Variants in MMP16 observed in about 807,000 individuals in gnomAD.
MMP16 encodes matrix metalloproteinase-16.
Under a neutral mutation model 67.8 loss-of-function variants are expected in MMP16, and 12 were observed. That is an observed-to-expected ratio of 0.18 (90% CI 0.11 to 0.29). The LOEUF (loss-of-function observed/expected upper bound fraction) is 0.29. Among genes scored for constraint, MMP16 ranks in the 10% least tolerant of loss-of-function variants. The pLI is 1.00. For synonymous variants in MMP16, 249 were observed against 255.9 expected (o/e 0.97, Z 0.26); for missense variants, 475 against 765.7 (o/e 0.62, Z 4.48).
chr8:88,174,570 T>A (rs1020102154), intron 3 of MMP16, among the ~76,000 whole-genome samples: 10 of 152,150 alleles, frequency 6.6e-5, no homozygotes, highest in Non-Finnish European at 1.2e-4. Context: ...TGAAGATAAC[T>A]CATATGATGT....
intron 1 of MMP16, among the ~76,000 whole-genome samples, chr8:88,262,095 A>G (rs970364861): frequency 6.6e-6 from 1 of 152,182 alleles, no homozygotes; most frequent in African/African-American, 2.4e-5. Flanking sequence ...CTGGTAATAA[A>G]GTGATATTTG....
chr8:88,306,174 C>G (rs963755765), intron 1 of MMP16, among the ~76,000 whole-genome samples: 12 of 152,072 alleles, frequency 7.9e-5, no homozygotes, highest in Non-Finnish European at 1.5e-4. Context: ...TGCACATAAA[C>G]TAAAATCTAG....
chr8:88,225,979 C>T (rs949225952), intron 1 of MMP16, among the ~76,000 whole-genome samples: 6 of 151,732 alleles, frequency 4.0e-5, no homozygotes, highest in African/African-American at 1.5e-4. Context: ...ACTGGTATGT[C>T]CCCCATTTTT....
chr8:88,091,706 C>A (rs1371540309), intron 6 of MMP16, among the ~76,000 whole-genome samples: 1 of 151,736 alleles, frequency 6.6e-6, no homozygotes, highest in East Asian at 1.9e-4. Context: ...AATACGTCCC[C>A]AAACACTGAT....
At chr8:88,313,274 T>C (rs1811325278) in intron 1 of MMP16, among the ~76,000 whole-genome samples, 1 of 152,196 alleles carries the variant, frequency 6.6e-6, no homozygotes, top group African/African-American at 2.4e-5. Context: ...ATCTTTCAGC[T>C]TTTGTGTCTC....
intron 1 of MMP16, among the ~76,000 whole-genome samples, chr8:88,267,617 T>C (rs1810494767): frequency 6.6e-6 from 1 of 152,224 alleles, no homozygotes; most frequent in Admixed American, 6.5e-5. Context: ...TCAGGGTTAG[T>C]TGCATATTTA....
intron 1 of MMP16, among the ~76,000 whole-genome samples, chr8:88,257,953 T>C (rs1380216240): frequency 6.6e-6 from 1 of 151,976 alleles, no homozygotes; most frequent in African/African-American, 2.4e-5. Context: ...AACAGAAGGG[T>C]AGGCTAATGG....
chr8:88,111,945 G>GA (rs1374937022), intron 6 of MMP16, among the ~76,000 whole-genome samples: 3 of 151,444 alleles, frequency 2.0e-5, no homozygotes, highest in Non-Finnish European at 4.4e-5. Context: ...TTAGACAAAG[G>GA]AAAAAAACAA....
chr8:88,044,490 A>AT (rs1297282533), intron 9 of MMP16, among the ~76,000 whole-genome samples: 1 of 152,204 alleles, frequency 6.6e-6, no homozygotes, highest in Non-Finnish European at 1.5e-5. Flanking sequence ...TTGAATAAAT[A>AT]TTTAGGTATT....
At chr8:88,176,080 T>TA (rs1381332336) in intron 3 of MMP16, among the ~76,000 whole-genome samples, 4 of 152,178 alleles carry the variant, frequency 2.6e-5, no homozygotes, top group Non-Finnish European at 5.9e-5. Flanking sequence ...GTAGTATTGT[T>TA]ACAATATTCA....
chr8:88,113,129 C>T lies in MMP16; in HGVS notation c.1083+3378G>A, dbSNP rs1033964240. On this transcript the variant is annotated intron_variant, in intron 6 of 9. Coordinates refer to ENST00000286614, the MANE Select transcript of MMP16 (RefSeq NM_005941.5). ...TTAGCACTGAGCACTATGAAGGTCA[C>T]GTGAACCACCTTCTGCTCTGGAGAA... Among the ~76,000 whole-genome samples the T allele has an allele frequency of 3.3e-5, 5 of 151,794 alleles. No homozygotes were observed. In the East Asian group the frequency reaches 5.8e-4, roughly 18 times the overall value.
At position 88,198,700 on chromosome 8, in the gene MMP16, C is replaced by T. The variant is rs540685036; in HGVS notation, c.133-1394G>A. 2.6e-4 allele frequency among the ~76,000 whole-genome samples: 39 copies of T among 151,864 alleles called. No homozygotes were observed. In the South Asian group the frequency reaches 6.0e-3, roughly 23 times the overall value. On this transcript the variant is annotated intron_variant, in intron 1 of 9. Coordinates refer to ENST00000286614, the MANE Select transcript of MMP16 (RefSeq NM_005941.5). ...AAAGAACAGTACCATAAGCACATCC[C>T]CTTGAAAATAAAAAAAAAACCCAAA...
At chr8:88,093,140 T>C (rs1457768446) in intron 6 of MMP16, among the ~76,000 whole-genome samples, 1 of 151,836 alleles carries the variant, frequency 6.6e-6, no homozygotes, top group East Asian at 1.9e-4. Flanking sequence ...GGACTGTATG[T>C]CCTGAAAACT....
chr8:88,223,863 T>G (rs1383335184), intron 1 of MMP16, among the ~76,000 whole-genome samples: 1 of 151,808 alleles, frequency 6.6e-6, no homozygotes, highest in Admixed American at 6.6e-5. Flanking sequence ...AGAAAATATT[T>G]TACCAGGAAA....
rs1331794828 is a variant in MMP16, at chr8:88,041,666, T to C, written c.1619A>G (p.Lys540Arg). Residue 540 changes from lysine (K) to arginine (R), a missense_variant, in exon 10 of 10, where the codon AAA (lysine) becomes AGA (arginine). Lys to Arg is a conservative substitution (Grantham distance 26, BLOSUM62 2). Around this residue, in one of 5 missense-constraint regions of MMP16, gnomAD observed 80 missense variants for 93.4 expected, o/e 0.86. Transcript: ENST00000286614. The surrounding 1 kb of genome is among the most constrained non-coding windows in gnomAD (Gnocchi z 6.0). ...ATCATCTGGTGGGCTGTGTCCTTCT[T>C]TAACTCTGTCTGTTGGTCCATCACA... ...MGCDGPTDRV[K>R]EGHSPPDDVD... 6.2e-7 allele frequency: 1 copy of C among 1,614,110 alleles called. No individual in the cohort carries two copies. The highest frequency in any genetic ancestry group is 1.1e-5 in the South Asian group (1 of 91,090).
chr8:88,197,278 G>A lies in MMP16; in HGVS notation c.161C>T (p.Pro54Leu). ...CACTGACATTCTGGGGTCAGTCGGTGGAAGGTAGCCGTACTTTTGTAACCA... is the reference window on the plus strand; with the variant it reads ...CACTGACATTCTGGGGTCAGTCGGTAGAAGGTAGCCGTACTTTTGTAACCA... ...EVWLQKYGYL[P>L]PTDPRMSVLR... Residue 54 changes from proline to leucine, a missense_variant, in exon 2 of 10, where the codon CCA becomes CTA. Physicochemically the swap from Pro to Leu is moderately conservative, Grantham distance 98 (BLOSUM62 -3). This residue lies in a region of MMP16 where 170 missense variants were observed against 239.6 expected (regional missense o/e 0.71). Transcript: ENST00000286614. 1 of 1,580,380 alleles carries A rather than the reference G, an allele frequency of 6.3e-7. No homozygotes were observed. Among genetic ancestry groups the A allele is most frequent in the Non-Finnish European group, 8.6e-7 (1 of 1,164,378 alleles).
chr8:88,158,494 TTG>T (rs1808554283), intron 4 of MMP16, among the ~76,000 whole-genome samples: 1 of 152,220 alleles, frequency 6.6e-6, no homozygotes, highest in African/African-American at 2.4e-5. Flanking sequence ...TTCATATCCT[TTG>T]CCCACTTTTT....
intron 4 of MMP16, among the ~76,000 whole-genome samples, chr8:88,150,937 G>A (rs1335954786): frequency 1.5e-5 from 2 of 135,454 alleles, no homozygotes; most frequent in Non-Finnish European, 1.6e-5. Flanking sequence ...AAAGAGTCAA[G>A]ACCCATCAGT....
At chr8:88,166,657 T>C (rs951766355) in intron 4 of MMP16, among the ~76,000 whole-genome samples, 9 of 117,334 alleles carry the variant, frequency 7.7e-5, no homozygotes, top group African/African-American at 2.8e-4. Context: ...ATGAAATGGA[T>C]GAGAGACAAA....
Sources: gnomAD v4.1 joint callset for allele counts (sites outside exome capture counted in the v4.1 genomes callset) on GRCh38, gnomAD v4.1.1 for gene constraint, gnomAD v4.1.1 regional missense constraint, Gnocchi (gnomAD v3.1) non-coding constraint, MANE v1.5 for transcripts, NCBI Gene and HGNC (gene_info 2026-07-23, HGNC 2026-07-21) for gene names.